CTSO: variants seen among roughly 807,000 people sequenced by gnomAD.
CTSO encodes the protein cathepsin O.
Under a neutral mutation model 42.4 loss-of-function variants are expected in CTSO, and 40 were observed. The observed-to-expected ratio is 0.94, with a 90% confidence interval of 0.73 to 1.23. The LOEUF is 1.23. CTSO is among the 50% of genes most tolerant of loss of function. The pLI, the probability that CTSO is intolerant of heterozygous loss-of-function variation, is 0.00. For missense variants in CTSO, 441 were observed against 396.0 expected (o/e 1.11, Z -0.96); for synonymous variants, 156 against 146.2 (o/e 1.07, Z -0.48).
chr4:155,935,507 G>A (rs75858728), intron 5 of CTSO, among the ~76,000 whole-genome samples: 5,174 of 151,938 alleles, frequency 0.034, 121 homozygotes, highest in South Asian at 0.072. Context: ...TTAAGTCCAC[G>A]CACTTCTCCA....
At chr4:155,952,879 T>C (rs937284979) in intron 1 of CTSO, among the ~76,000 whole-genome samples, 3 of 152,244 alleles carry the variant, frequency 2.0e-5, no homozygotes, top group African/African-American at 7.2e-5. Flanking sequence ...ATCATGATAA[T>C]GGCATCTTTC....
chr4:155,930,809 C>T (rs1743221399), intron 5 of CTSO, among the ~76,000 whole-genome samples: 1 of 152,054 alleles, frequency 6.6e-6, no homozygotes, highest in Non-Finnish European at 1.5e-5. Context: ...TACATTTATT[C>T]ATGTTAACTA....
chr4:155,932,625 T>C (rs748280140), intron 5 of CTSO, among the ~76,000 whole-genome samples: 30 of 152,058 alleles, frequency 2.0e-4, no homozygotes, highest in Admixed American at 4.6e-4. Context: ...CCTCAACTAA[T>C]GAATCAGGGA....
chr4:155,928,468 A>AGT (rs766822874), intron 6 of CTSO, 40 bp from the exon 7 acceptor site: 1 of 1,406,922 alleles, frequency 7.1e-7, no homozygotes, highest in African/African-American at 1.4e-5. Flanking sequence ...CTGAAAACTC[A>AGT]AATTTGTTAT....
intron 6 of CTSO, 132 bp from the exon 7 acceptor site, chr4:155,928,560 T>C (rs1743172471): frequency 1.6e-6 from 1 of 628,614 alleles, no homozygotes; most frequent in Non-Finnish European, 2.7e-6. Context: ...TGTAATTTAA[T>C]GGTAACTTAA....
chr4:155,929,840 T>G, intron 5 of CTSO, 135 bp from the exon 6 acceptor site: 1 of 728,030 alleles, frequency 1.4e-6, no homozygotes, highest in East Asian at 2.9e-5. Flanking sequence ...AAGCTAAGTC[T>G]GAGAGACTGG....
In CTSO at chr4:155,924,792, A is replaced by T. The variant is rs1053873755; in HGVS notation, c.*1244T>A. On this transcript the variant is annotated 3_prime_UTR_variant, in exon 8 of 8. Transcript: ENST00000433477. ...AGCACACAGTGTCCTTTCTAGGCAC[A>T]TAGGATCATCGATCACTGTGTGGAC... 1 of 152,222 alleles carries T rather than the reference A, an allele frequency of 6.6e-6. No individual in the cohort carries two copies. The highest frequency in any genetic ancestry group is 1.5e-5 in the Non-Finnish European group (1 of 68,046). The allele number at this position is 152,222 out of a possible 1,614,324, so 9.4% of individuals were successfully genotyped here.
intron 1 of CTSO, among the ~76,000 whole-genome samples, chr4:155,948,995 TGTTTCTAAAGGA>T (rs1262405299): frequency 6.9e-4 from 105 of 152,352 alleles, no homozygotes; most frequent in African/African-American, 2.3e-3. Flanking sequence ...TGTACTCAAC[TGTTTCTAAAGGA>T]GTAAGCGAAT....
In CTSO at chr4:155,924,538, G is replaced by A. The variant is rs1368342439; in HGVS notation, c.*1498C>T. 1 of 151,680 alleles carries A rather than the reference G, an allele frequency of 6.6e-6. No individual in the cohort carries two copies. The highest frequency in any genetic ancestry group is 1.5e-5 in the Non-Finnish European group (1 of 67,946). 9.4% of individuals were successfully genotyped at this position (151,680 alleles called of 1,614,324 possible). A position where few individuals can be genotyped will look rare whatever the true frequency, so the allele number is the denominator to read the frequency against. ...AGATGTCCTTGAATTTTTTTTTTTA[G>A]TGGTTGCTACTGCATTTCATGTTTC... is the stretch of plus-strand genomic sequence containing the variant. On this transcript the variant is annotated 3_prime_UTR_variant, in exon 8 of 8. Coordinates refer to ENST00000433477, the MANE Select transcript of CTSO (RefSeq NM_001334.3).
At position 155,929,680 on chromosome 4, in the gene CTSO, C is replaced by T. The variant is rs765781141; in HGVS notation, c.700G>A (p.Ala234Thr). 6 of 1,610,480 alleles carry T rather than the reference C, an allele frequency of 3.7e-6. No homozygotes were observed. The African/African-American group carries it at 4.0e-5, about 11-fold the overall frequency. The change falls in exon 6 of 8, where the codon GCA becomes ACA. Residue 234 changes from alanine (A) to threonine (T), a missense_variant. Physicochemically the swap from Ala to Thr is moderately conservative, Grantham distance 58. Transcript: ENST00000433477. ...ACCAAAGGGCCAAAGGTAAGAAGTG[C>T]TTTTGCCATTTCATCTTCTTGGTCA... ...FSDQEDEMAK[A>T]LLTFGPLVVI...
intron 7 of CTSO, among the ~76,000 whole-genome samples, chr4:155,927,836 T>C (rs62326163): frequency 0.064 from 9,731 of 152,162 alleles, 444 homozygotes; most frequent in Non-Finnish European, 0.096. Flanking sequence ...AGCCTCTCAA[T>C]TCTAGTGGGT....
chr4:155,929,827 TGGAAGCTAAGTCTGAGA>T, intron 5 of CTSO, 122 bp from the exon 6 acceptor site: 1 of 854,350 alleles, frequency 1.2e-6, no homozygotes, highest in Non-Finnish European at 1.7e-6. Flanking sequence ...ACCTAAACAA[TGGAAGCTAAGTCTGAGA>T]GACTGGTAGT....
intron 1 of CTSO, among the ~76,000 whole-genome samples, chr4:155,948,491 T>A (rs1417047060): frequency 6.6e-6 from 1 of 152,172 alleles, no homozygotes; most frequent in Non-Finnish European, 1.5e-5. Flanking sequence ...ATTTCCCGCC[T>A]GTTAGCCTAG....
Position 155,948,708 on chromosome 4 carries a change from CAG to C in CTSO, c.135+5003_135+5004del, listed in dbSNP as rs559085293. On this transcript the variant is annotated intron_variant, in intron 1 of 7. Coordinates refer to ENST00000433477, the MANE Select transcript of CTSO (RefSeq NM_001334.3). Reference sequence around the variant, plus strand: ...TCCTCAGAAATCAACATTTTTCTTACAGGATCAGAAAGCCCTTCCAGCTATCT... The same window carrying C: ...TCCTCAGAAATCAACATTTTTCTTACGATCAGAAAGCCCTTCCAGCTATCT... 8.5e-5 allele frequency among the ~76,000 whole-genome samples: 13 copies of C among 152,332 alleles called. No homozygotes were observed. In the East Asian group the frequency reaches 2.5e-3, roughly 29 times the overall value.
chr4:155,934,714 T>C (rs1743300417), intron 5 of CTSO, among the ~76,000 whole-genome samples: 1 of 152,190 alleles, frequency 6.6e-6, no homozygotes, highest in Non-Finnish European at 1.5e-5. Flanking sequence ...ATGGGCCCTC[T>C]AACTCCTTTG....
chr4:155,939,433 A>G lies in CTSO; in HGVS notation c.490T>C (p.Ser164Pro), dbSNP rs756868910. 1.2e-6 allele frequency: 2 copies of G among 1,614,024 alleles called. No homozygotes were observed. Among genetic ancestry groups the G allele is most frequent in the African/African-American group, 2.7e-5 (2 of 74,942 alleles). The change falls in exon 4 of 8, where the codon TCG (serine) becomes CCG (proline). Residue 164 changes from serine (S) to proline (P), a missense_variant. Ser to Pro is a moderately conservative substitution (Grantham distance 74). Coordinates refer to ENST00000433477, the MANE Select transcript of CTSO (RefSeq NM_001334.3). ...CCATTGCAGCCATAATTATTATACG[A>G]ACAGTCAATGACCTGCTGGACACTT... ...DLSVQQVIDC[S>P]YNNYGCNGGS... is the part of the protein sequence containing the mutation.
At chr4:155,929,824 CAATGG>C in intron 5 of CTSO, 119 bp from the exon 6 acceptor site, 1 of 877,014 alleles carries the variant, frequency 1.1e-6, no homozygotes, top group South Asian at 1.9e-5. Context: ...AGGACCTAAA[CAATGG>C]AAGCTAAGTC....
intron 1 of CTSO, among the ~76,000 whole-genome samples, chr4:155,952,968 T>C (rs1057036938): frequency 1.3e-5 from 2 of 152,086 alleles, no homozygotes; most frequent in African/African-American, 4.8e-5. Flanking sequence ...TCCCTTGCAG[T>C]TTCCTTGGTT....
chr4:155,951,109 AT>A (rs1560792190), intron 1 of CTSO, among the ~76,000 whole-genome samples: 1 of 152,110 alleles, frequency 6.6e-6, no homozygotes, highest in African/African-American at 2.4e-5. Flanking sequence ...TATATAAATA[AT>A]CTTATAATAA....
Sources: gnomAD v4.1 joint callset for allele counts (sites outside exome capture counted in the v4.1 genomes callset) on GRCh38, gnomAD v4.1.1 for gene constraint, MANE v1.5 for transcripts, NCBI Gene and HGNC (gene_info 2026-07-23, HGNC 2026-07-21) for gene names.